Variants in FRY observed in about 807,000 individuals in gnomAD.
FRY encodes FRY microtubule binding protein.
FRY carries 128 observed loss-of-function variants against 348.4 expected under a neutral mutation model. That is an observed-to-expected ratio of 0.37 (90% confidence interval 0.32 to 0.43). FRY has a LOEUF of 0.43. Among genes scored for constraint, FRY ranks in the 20% least tolerant of loss-of-function variants. The pLI is 1.00. For synonymous variants in FRY, 1,370 were observed against 1,374.7 expected, an observed-to-expected ratio of 1.00 and a Z score of 0.08; for missense variants, 2,736 against 3,695.2, an observed-to-expected ratio of 0.74 and a Z score of 6.73.
intron 29 of FRY, among the ~76,000 whole-genome samples, chr13:32,194,576 AAAG>A (rs530949616): frequency 8.4e-4 from 128 of 152,320 alleles, no homozygotes; most frequent in African/African-American, 3.0e-3. Context: ...TGAAAATGAC[AAAG>A]AAGATACATT....
intron 57 of FRY, among the ~76,000 whole-genome samples, chr13:32,277,774 G>T (rs1022289055): frequency 6.6e-6 from 1 of 152,324 alleles, no homozygotes; most frequent in Non-Finnish European, 1.5e-5. Flanking sequence ...CTGTTTCTGT[G>T]GCCTTTTACC....
At position 32,237,607 on chromosome 13, in the gene FRY, C is replaced by G. The variant is rs765007552; in HGVS notation, c.6039C>G (p.Gly2013=). ...LDRIQACTQQ[G]LSSKTRSSSS... ...GAATTCAGGCTTGTACCCAACAAGG[C>G]CTCTCCTCAAAAACCAGAAGCTCAT... The change falls in exon 44 of 61, where the codon GGC becomes GGG. Residue 2013 remains glycine, a synonymous_variant. Transcript: ENST00000542859. The surrounding 1 kb of genome is among the most constrained non-coding windows in gnomAD (Gnocchi z 6.3). 2 of 1,614,102 alleles carry G rather than the reference C, an allele frequency of 1.2e-6. No individual in the cohort carries two copies. Among genetic ancestry groups the G allele is most frequent in the Middle Eastern group, 1.6e-4 (1 of 6,062 alleles).
intron 36 of FRY, among the ~76,000 whole-genome samples, chr13:32,220,720 A>G (rs1021557869): frequency 6.6e-5 from 10 of 152,240 alleles, no homozygotes; most frequent in African/African-American, 9.6e-5. Flanking sequence ...AACATCACTG[A>G]AACAAAGAAT....
rs1886270902 is a variant in FRY at position 32,237,227 on chromosome 13, A to G, written c.5811-152A>G. 2.6e-6 allele frequency: 2 copies of G among 770,484 alleles called. No individual in the cohort carries two copies. Among genetic ancestry groups the G allele is most frequent in the African/African-American group, 1.7e-5 (1 of 57,196 alleles). 47.7% of individuals were successfully genotyped at this position (770,484 alleles called of 1,614,324 possible). A position where few individuals can be genotyped will look rare whatever the true frequency, so the allele number is the denominator to read the frequency against. On this transcript the variant is annotated intron_variant, in intron 43 of 60. Transcript: ENST00000542859. This position sits in a 1 kb window ranked among gnomAD's most constrained non-coding sequence, Gnocchi z 6.3. ...GAGGGTTTCTCTTGTTTTGTTTTTT[A>G]TAGCTTTAAAGATAAGGAAAAATAA... is the stretch of plus-strand genomic sequence containing the variant.
intron 3 of FRY, among the ~76,000 whole-genome samples, chr13:32,110,260 T>G (rs1877870048): frequency 6.6e-6 from 1 of 152,214 alleles, no homozygotes; most frequent in African/African-American, 2.4e-5. Context: ...GAGTTCCTTA[T>G]CTGGCATCTG....
chr13:32,081,541 T>C (rs1270070212), intron 2 of FRY, among the ~76,000 whole-genome samples: 1 of 152,124 alleles, frequency 6.6e-6, no homozygotes, highest in Non-Finnish European at 1.5e-5. Flanking sequence ...GCCAGCCTGG[T>C]CTCGAACTCA....
intron 31 of FRY, among the ~76,000 whole-genome samples, chr13:32,203,980 G>T (rs1332149555): frequency 1.3e-5 from 2 of 152,172 alleles, no homozygotes; most frequent in Non-Finnish European, 2.9e-5. Context: ...CTGCCCAGTT[G>T]TCCTAAAAAT....
chr13:32,150,335 C>A (rs1880717276), intron 14 of FRY, among the ~76,000 whole-genome samples: 1 of 152,218 alleles, frequency 6.6e-6, no homozygotes, highest in African/African-American at 2.4e-5. Context: ...GCATCATACA[C>A]AACATGGAGC....
intron 2 of FRY, among the ~76,000 whole-genome samples, chr13:32,091,497 A>T (rs568072547): frequency 6.6e-6 from 1 of 152,342 alleles, no homozygotes; most frequent in South Asian, 2.1e-4. Flanking sequence ...AAGATGTCAG[A>T]CATGAAAACA....
intron 51 of FRY, among the ~76,000 whole-genome samples, chr13:32,255,728 A>T (rs76076299): frequency 6.6e-6 from 1 of 152,178 alleles, no homozygotes; most frequent in Non-Finnish European, 1.5e-5. Context: ...CACTGAATGC[A>T]GTGAAGATTG....
chr13:32,274,671 T>G (rs565511289), intron 55 of FRY, among the ~76,000 whole-genome samples, 171 bp from the exon 56 acceptor site: 1 of 114,892 alleles, frequency 8.7e-6, no homozygotes, highest in African/African-American at 3.4e-5. Flanking sequence ...GCCACTGCAC[T>G]CCAGCCTGGG....
chr13:32,166,938 C>T (rs1485202783), intron 17 of FRY, among the ~76,000 whole-genome samples: 2 of 152,094 alleles, frequency 1.3e-5, no homozygotes, highest in African/African-American at 2.4e-5. Flanking sequence ...AGCATGTAAA[C>T]ACTGTCATTT....
chr13:32,261,253 G>A (rs2087892612), intron 51 of FRY, among the ~76,000 whole-genome samples: 1 of 152,158 alleles, frequency 6.6e-6, no homozygotes, highest in African/African-American at 2.4e-5. Context: ...CAGGGTGGTG[G>A]GAGTGGGTGA....
At chr13:32,185,941 T>C (rs1273509604) in intron 26 of FRY, among the ~76,000 whole-genome samples, 3 of 152,234 alleles carry the variant, frequency 2.0e-5, no homozygotes, top group East Asian at 3.9e-4. Context: ...CAAAAAACAT[T>C]TAATATGTAA....
At chr13:32,242,344 T>A (rs1430494486) in intron 46 of FRY, among the ~76,000 whole-genome samples, 1 of 152,202 alleles carries the variant, frequency 6.6e-6, no homozygotes, top group Non-Finnish European at 1.5e-5. Context: ...TCCCCCCATT[T>A]GTAATACTAT....
In FRY at chr13:32,267,303, G is replaced by A. The variant is rs1380212931; in HGVS notation, c.8080G>A (p.Asp2694Asn). 6.2e-7 allele frequency: 1 copy of A among 1,614,182 alleles called. No homozygotes were observed. The highest frequency in any genetic ancestry group is 8.5e-7 in the Non-Finnish European group (1 of 1,180,036). Residue 2694 changes from aspartate to asparagine, a missense_variant, in exon 55 of 61, where the codon GAC becomes AAC. Physicochemically the swap from Asp to Asn is conservative, Grantham distance 23 (BLOSUM62 1). Transcript: ENST00000542859. ...CAGCCACATCAACCAGCTTATGTGT[G>A]ACTCAGATGGCTCCTGTGCTGTGTA... The part of the protein sequence containing the change: ...WRSHINQLMC[D>N]SDGSCAVYTF...
At chr13:32,191,377 AAC>A (rs1306338078) in intron 28 of FRY, among the ~76,000 whole-genome samples, 3 of 152,192 alleles carry the variant, frequency 2.0e-5, no homozygotes, top group Admixed American at 6.5e-5. Flanking sequence ...AGATGTCTAT[AAC>A]ACACAGTCAG....
Position 32,214,690 on chromosome 13 carries a change from C to T in FRY, c.4682+2308C>T, listed in dbSNP as rs1211123121. Among the ~76,000 whole-genome samples the T allele has an allele frequency of 4.6e-5, 7 of 152,164 alleles. No homozygotes were observed. The South Asian group carries it at 6.2e-4, about 13-fold the overall frequency. ...ATAAGCTGTCCAACCACCACCAGTC[C>T]GCTTTCCCTTACCCTTTCAGTAACC... On this transcript the variant is annotated intron_variant, in intron 35 of 60. Transcript: ENST00000542859.
intron 19 of FRY, among the ~76,000 whole-genome samples, chr13:32,174,652 G>A (rs998754924): frequency 6.6e-6 from 1 of 151,992 alleles, no homozygotes; most frequent in Non-Finnish European, 1.5e-5. Context: ...TGCCTCTAAC[G>A]CCCCACTTCT....
Sources: gnomAD v4.1 joint callset for allele counts (sites outside exome capture counted in the v4.1 genomes callset) on GRCh38, gnomAD v4.1.1 for gene constraint, Gnocchi (gnomAD v3.1) non-coding constraint, MANE v1.5 for transcripts, NCBI Gene and HGNC (gene_info 2026-07-23, HGNC 2026-07-21) for gene names.